The following PSG4 variants were observed in gnomAD, a reference collection of about 807,000 sequenced individuals.
PSG4 encodes the protein pregnancy-specific beta-1-glycoprotein 4.
A neutral mutation model predicts 44.3 loss-of-function variants in PSG4; 61 were observed. That is an observed-to-expected ratio of 1.38 (90% CI 1.12 to 1.70). The LOEUF is 1.70. Among genes scored for constraint, PSG4 ranks in the 40% most tolerant of loss-of-function variants. PSG4 has a pLI of 0.00. For synonymous variants in PSG4, 248 were observed against 191.3 expected, an observed-to-expected ratio of 1.30 and a Z score of -2.45; for missense variants, 677 against 511.7, an observed-to-expected ratio of 1.32 and a Z score of -3.12.
intron 4 of PSG4, 174 bp from the exon 5 acceptor site, chr19:43,194,768 C>T (rs900646955): frequency 1.3e-5 from 19 of 1,418,626 alleles, no homozygotes; most frequent in Non-Finnish European, 1.8e-5. Context: ...TCTCCCATCA[C>T]AAGTTTTAGG....
intron 2 of PSG4, among the ~76,000 whole-genome samples, chr19:43,200,947 T>C (rs1967482744): frequency 6.8e-6 from 1 of 146,070 alleles, no homozygotes; most frequent in South Asian, 2.1e-4. Context: ...GCTTGTTATA[T>C]GCCTGACAGG....
In PSG4 at chr19:43,205,441, T is replaced by C. The variant is rs368609604; in HGVS notation, c.64+32A>G. ...CCCATCCAGTCACTCTGCTTCCTCC[T>C]CCTGTCCTCTCCCAGGAAGTTCTCT... On this transcript the variant is annotated intron_variant, in intron 1 of 5. Transcript: ENST00000405312. 274 of 1,510,618 alleles carry C rather than the reference T, an allele frequency of 1.8e-4. 16 individuals are homozygous for C. Among genetic ancestry groups the C allele is most frequent in the Non-Finnish European group, 2.2e-4 (247 of 1,114,206 alleles). The allele number at this position is 1,510,618 out of a possible 1,614,324, so 93.6% of individuals were successfully genotyped here.
chr19:43,202,045 A>G lies in PSG4; in HGVS notation c.430+1841T>C, dbSNP rs565630691. Among the ~76,000 whole-genome samples the G allele has an allele frequency of 5.0e-3, 720 of 145,060 alleles. 86 individuals carry two copies. The highest frequency in any genetic ancestry group is 0.018 in the African/African-American group (677 of 38,024). Reference sequence around the variant, plus strand: ...AGTGGCAACTCCAGGTGATTTCTGCACCTTTCCTATTTCCTGGGAGGTGGG... The same window carrying G: ...AGTGGCAACTCCAGGTGATTTCTGCGCCTTTCCTATTTCCTGGGAGGTGGG... On this transcript the variant is annotated intron_variant, in intron 2 of 5. Coordinates refer to ENST00000405312, the MANE Select transcript of PSG4 (RefSeq NM_002780.5).
chr19:43,193,126 T>C lies in PSG4; in HGVS notation c.*246A>G. 1.5e-6 allele frequency: 1 copy of C among 661,332 alleles called. No homozygotes were observed. Among genetic ancestry groups the C allele is most frequent in the Non-Finnish European group, 2.7e-6 (1 of 363,726 alleles). 41.0% of individuals were successfully genotyped at this position (661,332 alleles called of 1,614,324 possible). A position where few individuals can be genotyped will look rare whatever the true frequency, so the allele number is the denominator to read the frequency against. On this transcript the variant is annotated 3_prime_UTR_variant, in exon 6 of 6. Coordinates refer to ENST00000405312, the MANE Select transcript of PSG4 (RefSeq NM_002780.5). The stretch of plus-strand genomic sequence containing the variant: ...CATGATGGGGAGTCTTGTTCTGACA[T>C]CTTTGGAAAAACTGTCCACAGTGTG...
Position 43,193,817 on chromosome 19 carries a change from C to G in PSG4, c.1244-429G>C, listed in dbSNP as rs968198120. On this transcript the variant is annotated intron_variant, in intron 5 of 5. Coordinates refer to ENST00000405312, the MANE Select transcript of PSG4 (RefSeq NM_002780.5). ...TATAACCAATGATTTGAAATGTGTC[C>G]TGTTACAAAGAGAGCAGATTGTTAC... 1.3e-5 allele frequency: 7 copies of G among 554,948 alleles called. No individual in the cohort carries two copies. In the East Asian group the frequency reaches 2.2e-4, roughly 18 times the overall value. 34.4% of individuals were successfully genotyped at this position (554,948 alleles called of 1,614,324 possible).
intron 2 of PSG4, 21 bp from the exon 3 acceptor site, chr19:43,198,296 G>C (rs748671467): frequency 1.3e-6 from 2 of 1,573,302 alleles, no homozygotes; most frequent in Non-Finnish European, 1.7e-6. Flanking sequence ...AACAGAGAGA[G>C]GTTTGCCCTG....
Position 43,193,168 on chromosome 19 carries a change from A to T in PSG4, c.*204T>A, listed in dbSNP as rs560583568. The T allele has an allele frequency of 1.4e-6, 1 of 728,784 alleles. No homozygotes were observed. The highest frequency in any genetic ancestry group is 1.7e-5 in the African/African-American group (1 of 57,770). 45.1% of individuals were successfully genotyped at this position (728,784 alleles called of 1,614,324 possible). On this transcript the variant is annotated 3_prime_UTR_variant, in exon 6 of 6. Transcript: ENST00000405312. ...CACAGTGTGAAGTCATCAACTTGTTATCCTGGTTTACAGTTTGAGTAGCTG... is the reference window on the plus strand; with the variant it reads ...CACAGTGTGAAGTCATCAACTTGTTTTCCTGGTTTACAGTTTGAGTAGCTG...
chr19:43,197,819 T>C (rs1181282937), intron 3 of PSG4, 178 bp downstream of exon 3: 12 of 1,270,556 alleles, frequency 9.4e-6, no homozygotes, highest in Non-Finnish European at 1.3e-5. Context: ...TCTTTTCTCC[T>C]ATTGTGGATC....
In PSG4 at chr19:43,192,762, T is replaced by C; in HGVS notation, c.*610A>G. The C allele has an allele frequency of 5.6e-6, 1 of 179,716 alleles. No homozygotes were observed. Among genetic ancestry groups the C allele is most frequent in the Non-Finnish European group, 1.2e-5 (1 of 84,170 alleles). 11.1% of individuals were successfully genotyped at this position (179,716 alleles called of 1,614,324 possible). The stretch of plus-strand genomic sequence containing the variant: ...TCAGTATTACTGTCACGTTTTACAC[T>C]GTATCTCTTAGGAAATGGTGAGAGC... On this transcript the variant is annotated 3_prime_UTR_variant, in exon 6 of 6. Transcript: ENST00000405312.
intron 1 of PSG4, chr19:43,204,694 T>TCCCCTCCC (rs558525472): frequency 8.6e-5 from 13 of 151,842 alleles, no homozygotes; most frequent in Non-Finnish European, 1.2e-4. Context: ...ATGTCTGTCT[T>TCCCCTCCC]CCCCCCACGA....
In PSG4 at chr19:43,204,531, C is replaced by G. The variant is rs547434790; in HGVS notation, c.65-280G>C. Reference sequence around the variant, plus strand: ...AGGGGTCCGCACGGCCCCCTCCACACTGCCCTCAGGTCCTGCTCACATCAG... The same window carrying G: ...AGGGGTCCGCACGGCCCCCTCCACAGTGCCCTCAGGTCCTGCTCACATCAG... On this transcript the variant is annotated intron_variant, in intron 1 of 5. Coordinates refer to ENST00000405312, the MANE Select transcript of PSG4 (RefSeq NM_002780.5). 4.9e-4 allele frequency: 204 copies of G among 414,048 alleles called. 21 individuals are homozygous for G. The highest frequency in any genetic ancestry group is 3.2e-3 in the African/African-American group (141 of 44,530). The allele number at this position is 414,048 out of a possible 1,614,324, so 25.6% of individuals were successfully genotyped here. A position where few individuals can be genotyped will look rare whatever the true frequency, so the allele number is the denominator to read the frequency against.
intron 1 of PSG4, among the ~76,000 whole-genome samples, chr19:43,205,127 A>G (rs1374462441): frequency 1.1e-4 from 2 of 18,980 alleles, no homozygotes; most frequent in South Asian, 3.9e-3. Context: ...TTTTTTTTTG[A>G]GACGGAGTCT....
chr19:43,204,899 G>A (rs1479737192), intron 1 of PSG4: 1 of 379,074 alleles, frequency 2.6e-6, no homozygotes, highest in African/African-American at 2.5e-5. Context: ...TTCATTTGAA[G>A]TGTCATCTGA....
chr19:43,196,039 G>A lies in PSG4; in HGVS notation c.710-766C>T, dbSNP rs931900674. Among the ~76,000 whole-genome samples, 10 of 151,276 alleles carry A rather than the reference G, an allele frequency of 6.6e-5. 1 individual carries two copies. The highest frequency in any genetic ancestry group is 1.3e-4 in the Non-Finnish European group (9 of 67,830). ...TTAAGTTTCCTCTCCTTCTGCAGAG[G>A]GCAGGTGAGGACCATGTGGATCTTT... is the stretch of plus-strand genomic sequence containing the variant. On this transcript the variant is annotated intron_variant, in intron 3 of 5. Coordinates refer to ENST00000405312, the MANE Select transcript of PSG4 (RefSeq NM_002780.5).
rs544737071 is a variant in PSG4 at position 43,194,790 on chromosome 19, C to T, written c.989-196G>A. On this transcript the variant is annotated intron_variant, in intron 4 of 5. Coordinates refer to ENST00000405312, the MANE Select transcript of PSG4 (RefSeq NM_002780.5). ...TCACAAGTTTTAGGCCCCAAGTCTC[C>T]CATGACAAGAGCGTCCCCTCCCCTT... 4.9e-6 allele frequency: 7 copies of T among 1,419,366 alleles called. No individual in the cohort carries two copies. The East Asian group carries it at 1.4e-4, about 28-fold the overall frequency. 87.9% of individuals were successfully genotyped at this position (1,419,366 alleles called of 1,614,324 possible). A position where few individuals can be genotyped will look rare whatever the true frequency, so the allele number is the denominator to read the frequency against.
chr19:43,192,894 A>G lies in PSG4; in HGVS notation c.*478T>C. The stretch of plus-strand genomic sequence containing the variant: ...ACACACAGGCAATATCTCTGTGTTC[A>G]TTTCTATTGGGAGCCCTGTATGCAA... On this transcript the variant is annotated 3_prime_UTR_variant, in exon 6 of 6. Coordinates refer to ENST00000405312, the MANE Select transcript of PSG4 (RefSeq NM_002780.5). 3.0e-6 allele frequency: 1 copy of G among 330,544 alleles called. No homozygotes were observed. The highest frequency in any genetic ancestry group is 2.1e-5 in the African/African-American group (1 of 48,028). The allele number at this position is 330,544 out of a possible 1,614,324, so 20.5% of individuals were successfully genotyped here. A position where few individuals can be genotyped will look rare whatever the true frequency, so the allele number is the denominator to read the frequency against.
At chr19:43,203,005 C>T (rs1168340244) in intron 2 of PSG4, 1 of 145,748 alleles carries the variant, frequency 6.9e-6, no homozygotes, top group African/African-American at 2.7e-5. Flanking sequence ...TTCTCTCAAT[C>T]AAATAAGCTA....
At chr19:43,201,469 C>T (rs10422322) in intron 2 of PSG4, among the ~76,000 whole-genome samples, 40,678 of 143,954 alleles carry the variant, frequency 0.28, 9,429 homozygotes, top group East Asian at 0.87. Context: ...TTGTAGAACG[C>T]GAGACTGGTC....
At chr19:43,196,917 A>C (rs1665018749) in intron 3 of PSG4, 1 of 137,996 alleles carries the variant, frequency 7.2e-6, no homozygotes, top group Admixed American at 7.3e-5. Flanking sequence ...TCTGCAACTA[A>C]CTTTGGGTAG....
Sources: gnomAD v4.1 joint callset for allele counts (sites outside exome capture counted in the v4.1 genomes callset) on GRCh38, gnomAD v4.1.1 for gene constraint, MANE v1.5 for transcripts, NCBI Gene and HGNC (gene_info 2026-07-23, HGNC 2026-07-21) for gene names.